MMP26: variants seen among roughly 807,000 people sequenced by gnomAD.
The protein encoded by MMP26 is matrix metallopeptidase 26, also known as matrix metalloproteinase-26.
MMP26 carries 33 observed loss-of-function variants against 31.0 expected under a neutral mutation model. The ratio of observed to expected loss-of-function variants is 1.06; its 90% CI spans 0.81 to 1.42. The LOEUF is 1.42. Among genes scored for constraint, MMP26 ranks in the 40% most tolerant of loss-of-function variants. The pLI, the probability that MMP26 is intolerant of heterozygous loss-of-function variation, is 0.00. For synonymous variants in MMP26, 122 were observed against 114.9 expected (o/e 1.06, Z -0.40); for missense variants, 347 against 316.1 (o/e 1.10, Z -0.74).
chr11:4,888,699 A>C (rs1850576903), intron 2 of MMP26, among the ~76,000 whole-genome samples: 2 of 152,184 alleles, frequency 1.3e-5, no homozygotes, highest in South Asian at 4.1e-4. Context: ...GCCATAATTC[A>C]AGGCTGTGAA....
chr11:4,943,935 G>A (rs1300185562), intron 2 of MMP26: 1 of 417,858 alleles, frequency 2.4e-6, no homozygotes, highest in African/African-American at 2.1e-5. Flanking sequence ...GAAAGAATAA[G>A]ATGCTATTAA....
chr11:4,991,416 G>A lies in MMP26; in HGVS notation c.515G>A (p.Gly172Asp), dbSNP rs61751340. 2,951 of 1,613,996 alleles carry A rather than the reference G, an allele frequency of 1.8e-3. 9 individuals are homozygous for A. Among genetic ancestry groups the A allele is most frequent in the Middle Eastern group, 7.3e-3 (44 of 6,062 alleles). ...WPFDGPGGIL[G>D]HAFLPNSGNP... ...TTTGATGGGCCAGGTGGTATCTTAG[G>A]CCATGCCTTTTTACCAAATTCTGGA... is the stretch of plus-strand genomic sequence containing the variant. Residue 172 changes from glycine (G) to aspartate (D), a missense_variant, in exon 6 of 8, where the codon GGC (glycine) becomes GAC (aspartate). By Grantham distance (94) the Gly-to-Asp change is moderately conservative. Coordinates refer to ENST00000380390, the MANE Select transcript of MMP26 (RefSeq NM_021801.5).
intron 2 of MMP26, among the ~76,000 whole-genome samples, chr11:4,810,898 C>T (rs142317586): frequency 3.3e-5 from 5 of 152,256 alleles, no homozygotes; most frequent in East Asian, 1.9e-4. Flanking sequence ...ATGCAAAGAA[C>T]GATTTGTTTG....
At chr11:4,806,077 TC>T (rs1849265222) in intron 2 of MMP26, among the ~76,000 whole-genome samples, 1 of 152,222 alleles carries the variant, frequency 6.6e-6, no homozygotes, top group East Asian at 1.9e-4. Flanking sequence ...TTCTTCAAGA[TC>T]CCCCAAAGGC....
In MMP26 at chr11:4,991,802, C is replaced by G. The variant is rs570752775; in HGVS notation, c.596-162C>G. ...TCCAAATATCTTGCCATTCTGTTTT[C>G]TACTTACTTTCTTTCCCTCCTTGCC... On this transcript the variant is annotated intron_variant, in intron 6 of 7. Transcript: ENST00000380390. Among the ~76,000 whole-genome samples, 4 of 152,136 alleles carry G rather than the reference C, an allele frequency of 2.6e-5. No individual in the cohort carries two copies. In the East Asian group the frequency reaches 5.8e-4, roughly 22 times the overall value.
At chr11:4,726,791 C>T (rs1388171269) in intron 1 of MMP26, among the ~76,000 whole-genome samples, 1 of 152,078 alleles carries the variant, frequency 6.6e-6, no homozygotes, top group Non-Finnish European at 1.5e-5. Flanking sequence ...AGGATCGCTT[C>T]AGGCCAGGAG....
At chr11:4,943,973 A>G in intron 2 of MMP26, 1 of 408,264 alleles carries the variant, frequency 2.4e-6, no homozygotes, top group Non-Finnish European at 4.8e-6. Context: ...TCATCTTTTT[A>G]GTGGAAATGA....
chr11:4,915,688 TG>T (rs745493860), intron 2 of MMP26: 2 of 1,560,744 alleles, frequency 1.3e-6, no homozygotes, highest in Non-Finnish European at 1.7e-6. Context: ...AGGGGGAAGG[TG>T]GGTGCCCTCC....
At position 4,821,767 on chromosome 11, in the gene MMP26, G is replaced by C. The variant is rs138738065; in HGVS notation, c.-145+54426G>C. On this transcript the variant is annotated intron_variant, in intron 2 of 7. Coordinates refer to ENST00000380390, the MANE Select transcript of MMP26 (RefSeq NM_021801.5). ...CGGATTTACTTTCATGGAGTCTGGG[G>C]TTCTACTGGCCATGGCCTTTGATCG... 2.6e-4 allele frequency: 425 copies of C among 1,613,804 alleles called. 1 individual carries two copies. Among genetic ancestry groups the C allele is most frequent in the Middle Eastern group, 3.3e-4 (2 of 6,058 alleles).
In MMP26 at chr11:4,924,232, G is replaced by A. The variant is rs755502785; in HGVS notation, c.-144-63836G>A. 4.3e-6 allele frequency: 7 copies of A among 1,614,210 alleles called. No homozygotes were observed. In the East Asian group the frequency reaches 1.6e-4, roughly 36 times the overall value. On this transcript the variant is annotated intron_variant, in intron 2 of 7. Transcript: ENST00000380390. ...GGTTCCCCAAGATAACTGTCAGGTA[G>A]ATGAAGCAGAAGGGAATAGAGATCC...
chr11:4,990,090 T>C (rs1471817598), intron 4 of MMP26, among the ~76,000 whole-genome samples: 4 of 152,180 alleles, frequency 2.6e-5, no homozygotes, highest in Non-Finnish European at 4.4e-5. Context: ...TCCTTTCCCT[T>C]TGTTAAATCT....
At chr11:4,762,131 A>G (rs1476060592) in intron 1 of MMP26, among the ~76,000 whole-genome samples, 1 of 152,208 alleles carries the variant, frequency 6.6e-6, no homozygotes, top group East Asian at 1.9e-4. Flanking sequence ...TTACTTGATA[A>G]GTACTGATGA....
At position 4,785,722 on chromosome 11, in the gene MMP26, G is replaced by A. The variant is rs1282279216; in HGVS notation, c.-145+18381G>A. Among the ~76,000 whole-genome samples the A allele has an allele frequency of 9.2e-5, 14 of 152,164 alleles. 1 individual carries two copies. The highest frequency in any genetic ancestry group is 1.9e-4 in the East Asian group (1 of 5,198). ...TGCAGCTTTTAACAAACAGCCTCAT[G>A]AGGTGATAAATGACTGAAGCAGGAG... is the stretch of plus-strand genomic sequence containing the variant. On this transcript the variant is annotated intron_variant, in intron 2 of 7. Transcript: ENST00000380390.
At chr11:4,963,707 G>T (rs1441100742) in intron 2 of MMP26, among the ~76,000 whole-genome samples, 1 of 152,162 alleles carries the variant, frequency 6.6e-6, no homozygotes, top group African/African-American at 2.4e-5. Context: ...CTTCACAATA[G>T]TTGAACTAAT....
chr11:4,802,753 G>A (rs527772289), intron 2 of MMP26, among the ~76,000 whole-genome samples: 219 of 151,960 alleles, frequency 1.4e-3, no homozygotes, highest in African/African-American at 4.8e-3. Context: ...CTTTCTTTAC[G>A]TACGTATTCC....
intron 2 of MMP26, among the ~76,000 whole-genome samples, chr11:4,834,290 C>T (rs903263846): frequency 4.6e-5 from 7 of 152,158 alleles, no homozygotes; most frequent in African/African-American, 1.4e-4. Flanking sequence ...AGCACAGAAT[C>T]TGCACCACTG....
chr11:4,805,127 C>G (rs1351030513), intron 2 of MMP26, among the ~76,000 whole-genome samples: 2 of 152,160 alleles, frequency 1.3e-5, no homozygotes, highest in African/African-American at 4.8e-5. Flanking sequence ...TTTTAAACCT[C>G]TGGTTAGCCA....
intron 1 of MMP26, among the ~76,000 whole-genome samples, chr11:4,717,129 C>T (rs1398933213): frequency 4.6e-5 from 7 of 152,270 alleles, no homozygotes; most frequent in East Asian, 1.9e-4. Flanking sequence ...TCAGAGAAGC[C>T]GTTTGACTCC....
intron 2 of MMP26, among the ~76,000 whole-genome samples, chr11:4,934,671 A>G (rs1208030923): frequency 6.9e-6 from 1 of 144,940 alleles, no homozygotes; most frequent in Non-Finnish European, 1.5e-5. Flanking sequence ...CCTGAATGGT[A>G]ATGCCTAGGT....
Sources: gnomAD v4.1 joint callset for allele counts (sites outside exome capture counted in the v4.1 genomes callset) on GRCh38, gnomAD v4.1.1 for gene constraint, MANE v1.5 for transcripts, NCBI Gene and HGNC (gene_info 2026-07-23, HGNC 2026-07-21) for gene names.